ANKRD36B: variants seen among roughly 807,000 people sequenced by gnomAD.
ANKRD36B encodes ankyrin repeat domain-containing protein 36B.
Under a neutral mutation model 135.7 loss-of-function variants are expected in ANKRD36B, and 37 were observed. The ratio of observed to expected loss-of-function variants is 0.27; its 90% CI spans 0.21 to 0.36. ANKRD36B has a LOEUF of 0.36. ANKRD36B is among the 10% of genes least tolerant of loss of function. ANKRD36B has a pLI of 1.00. For synonymous variants in ANKRD36B, 179 were observed against 348.1 expected (o/e 0.51, Z 5.41); for missense variants, 549 against 1,037.1 (o/e 0.53, Z 6.46).
At chr2:97,556,802 T>A in intron 12 of ANKRD36B, 135 bp downstream of exon 12, 1 of 1,394,740 alleles carries the variant, frequency 7.2e-7, no homozygotes, top group Non-Finnish European at 9.7e-7. Flanking sequence ...CCTGACAACT[T>A]ACTAGAAATG....
At chr2:97,551,914 A>T (rs1318148390) in intron 16 of ANKRD36B, among the ~76,000 whole-genome samples, 1 of 151,950 alleles carries the variant, frequency 6.6e-6, no homozygotes, top group African/African-American at 2.4e-5. Flanking sequence ...ATGCTCTTTA[A>T]CTTGCCCAAT....
rs1249472107 is a variant in ANKRD36B at position 97,537,978 on chromosome 2, C to T, written c.2089+190G>A. Reference sequence around the variant, plus strand: ...ATTTCAATGTAGGGAAGTCTATAAGCTTGTTACTAAGATCATGGCCAAGGA... The same window carrying T: ...ATTTCAATGTAGGGAAGTCTATAAGTTTGTTACTAAGATCATGGCCAAGGA... On this transcript the variant is annotated intron_variant, in intron 32 of 43. Coordinates refer to ENST00000359901, the MANE Select transcript of ANKRD36B (RefSeq NM_001393939.1). 2.1e-5 allele frequency among the ~76,000 whole-genome samples: 2 copies of T among 95,538 alleles called. 1 individual carries two copies. Among genetic ancestry groups the T allele is most frequent in the Admixed American group, 1.9e-4 (2 of 10,626 alleles). The allele number at this position is 95,538 out of a possible 152,430, so 62.7% of individuals were successfully genotyped here.
chr2:97,547,750 T>A lies in ANKRD36B; in HGVS notation c.1478-19A>T, dbSNP rs756277472. 8 of 1,549,336 alleles carry A rather than the reference T, an allele frequency of 5.2e-6. No homozygotes were observed. In the African/African-American group the frequency reaches 8.2e-5, roughly 16 times the overall value. On this transcript the variant is annotated intron_variant, in intron 20 of 43. Transcript: ENST00000359901. ...AAAGACACTGAAAAGTAAAAGGGAT[T>A]CATAATCACTCATATGTAAAAATGA...
At chr2:97,547,310 T>G in intron 22 of ANKRD36B, 1 of 525,558 alleles carries the variant, frequency 1.9e-6, no homozygotes, top group South Asian at 2.2e-5. Context: ...GCTCACCATA[T>G]TTCTTCTTCC....
rs1345097387 is a variant in ANKRD36B, at chr2:97,537,086, T to C, written c.2090-590A>G. Among the ~76,000 whole-genome samples the C allele has an allele frequency of 8.3e-5, 8 of 96,506 alleles. 2 individuals carry two copies. The highest frequency in any genetic ancestry group is 2.2e-4 in the Non-Finnish European group (8 of 36,342). 63.3% of individuals were successfully genotyped at this position (96,506 alleles called of 152,430 possible). ...TATTTATCATGCCCATGTGGTGTAA[T>C]AGTCTGCCTACATTTCTTATATCCT... On this transcript the variant is annotated intron_variant, in intron 32 of 43. Coordinates refer to ENST00000359901, the MANE Select transcript of ANKRD36B (RefSeq NM_001393939.1).
chr2:97,532,036 CTTCT>C (rs1269969391), intron 35 of ANKRD36B, among the ~76,000 whole-genome samples: 2 of 95,050 alleles, frequency 2.1e-5, no homozygotes, highest in Middle Eastern at 5.3e-3. Flanking sequence ...TTGATGTTAC[CTTCT>C]TTATTATAAT....
At chr2:97,565,957 T>C (rs1286614435) in intron 6 of ANKRD36B, among the ~76,000 whole-genome samples, 1 of 151,384 alleles carries the variant, frequency 6.6e-6, no homozygotes, top group African/African-American at 2.4e-5. Flanking sequence ...GGCAGAAGTA[T>C]CACTTGAGAA....
intron 43 of ANKRD36B, among the ~76,000 whole-genome samples, chr2:97,496,256 G>A (rs2077303523): frequency 9.3e-6 from 1 of 106,996 alleles, no homozygotes; most frequent in African/African-American, 2.6e-5. Context: ...TTAATTCTAT[G>A]AAGTCTGACA....
chr2:97,526,459 C>T (rs2104407633), intron 35 of ANKRD36B, among the ~76,000 whole-genome samples: 1 of 97,014 alleles, frequency 1.0e-5, no homozygotes, highest in South Asian at 2.3e-4. Flanking sequence ...GGGGAAAAAA[C>T]AGAGCAGAAA....
chr2:97,556,010 AT>A (rs1239519321), intron 12 of ANKRD36B, among the ~76,000 whole-genome samples: 1 of 151,894 alleles, frequency 6.6e-6, no homozygotes, highest in African/African-American at 2.4e-5. Context: ...AAGCTTTTAC[AT>A]TTGGCTATCA....
chr2:97,539,410 A>G lies in ANKRD36B; in HGVS notation c.1987+624T>C, dbSNP rs1576881868. Among the ~76,000 whole-genome samples, 2 of 97,124 alleles carry G rather than the reference A, an allele frequency of 2.1e-5. 1 individual carries two copies. The highest frequency in any genetic ancestry group is 4.6e-4 in the East Asian group (2 of 4,332). 63.7% of individuals were successfully genotyped at this position (97,124 alleles called of 152,430 possible). On this transcript the variant is annotated intron_variant, in intron 30 of 43. Coordinates refer to ENST00000359901, the MANE Select transcript of ANKRD36B (RefSeq NM_001393939.1). Reference sequence around the variant, plus strand: ...GCAATGAGTCACTGTGGTTTATCCCAATTCTAGGAGTCCTTCCTGCTTCCA... The same window carrying G: ...GCAATGAGTCACTGTGGTTTATCCCGATTCTAGGAGTCCTTCCTGCTTCCA...
intron 43 of ANKRD36B, among the ~76,000 whole-genome samples, chr2:97,494,515 A>G (rs1709753): frequency 3.7e-5 from 4 of 107,108 alleles, no homozygotes; most frequent in East Asian, 4.3e-4. Flanking sequence ...AAAAGGGCAA[A>G]AAGCTATCCA....
chr2:97,553,427 T>C, intron 14 of ANKRD36B, 56 bp from the exon 15 acceptor site: 1 of 1,563,384 alleles, frequency 6.4e-7, no homozygotes, highest in Non-Finnish European at 8.8e-7. Context: ...ACATTTTCCA[T>C]ACATTCATGC....
At chr2:97,573,990 T>C (rs1020063013) in intron 6 of ANKRD36B, among the ~76,000 whole-genome samples, 3 of 152,338 alleles carry the variant, frequency 2.0e-5, no homozygotes, top group East Asian at 1.9e-4. Flanking sequence ...AAGGACTTCA[T>C]GTCTAAAACA....
intron 16 of ANKRD36B, among the ~76,000 whole-genome samples, chr2:97,552,128 C>A (rs984253022): frequency 6.6e-6 from 1 of 151,922 alleles, no homozygotes; most frequent in Non-Finnish European, 1.5e-5. Context: ...AAAATTTCTT[C>A]ATCCAGTCGT....
rs2079302578 is a variant in ANKRD36B at position 97,544,385 on chromosome 2, C to T, written c.1682-400G>A. ...TGCAAGAAATCACAAGGATTTACAC[C>T]ATTATAGTACAAACATTCATCATGC... On this transcript the variant is annotated intron_variant, in intron 24 of 43. Coordinates refer to ENST00000359901, the MANE Select transcript of ANKRD36B (RefSeq NM_001393939.1). Among the ~76,000 whole-genome samples the T allele has an allele frequency of 2.1e-5, 2 of 94,732 alleles. 1 individual carries two copies. The highest frequency in any genetic ancestry group is 4.8e-4 in the South Asian group (2 of 4,200). 62.1% of individuals were successfully genotyped at this position (94,732 alleles called of 152,430 possible).
rs555480234 is a variant in ANKRD36B at position 97,549,571 on chromosome 2, T to G, written c.1404+15A>C. ...TACATTAACTAGTTCACAATATAAA[T>G]GAGAGTTTCATTACCTTCAAGGCTG... On this transcript the variant is annotated intron_variant, in intron 19 of 43. Transcript: ENST00000359901. 118 of 1,608,960 alleles carry G rather than the reference T, an allele frequency of 7.3e-5. 2 individuals are homozygous for G. In the South Asian group the frequency reaches 1.3e-3, roughly 18 times the overall value.
intron 43 of ANKRD36B, among the ~76,000 whole-genome samples, chr2:97,496,336 T>A (rs2104200248): frequency 1.1e-5 from 1 of 94,070 alleles, no homozygotes; most frequent in South Asian, 2.4e-4. Context: ...AAGAAAAGAA[T>A]CTTCATAACA....
intron 6 of ANKRD36B, among the ~76,000 whole-genome samples, chr2:97,565,862 G>A (rs1316011546): frequency 1.4e-5 from 2 of 145,204 alleles, no homozygotes; most frequent in Admixed American, 6.8e-5. Context: ...GCATATACTC[G>A]GGGTGTGTGT....
Sources: allele counts gnomAD v4.1 joint callset (sites outside exome capture counted in the v4.1 genomes callset), GRCh38; gene constraint gnomAD v4.1.1; transcripts MANE v1.5; gene names NCBI Gene and HGNC (gene_info 2026-07-23, HGNC 2026-07-21).